The following PPP2R2C variants were observed in gnomAD, a reference collection of about 807,000 sequenced individuals.
PPP2R2C encodes the protein protein phosphatase 2 regulatory subunit Bgamma, also known as protein phosphatase 2, regulatory subunit B, gamma.
PPP2R2C carries 10 observed loss-of-function variants against 45.3 expected under a neutral mutation model. The ratio of observed to expected loss-of-function variants is 0.22; its 90% CI spans 0.14 to 0.37. The LOEUF is 0.37. Among genes scored for constraint, PPP2R2C ranks in the 10% least tolerant of loss-of-function variants. The probability of loss-of-function intolerance (pLI) is 1.00; values close to 1 mark genes in which losing one functional copy is unlikely to be tolerated. For synonymous variants in PPP2R2C, 257 were observed against 245.4 expected (o/e 1.05, Z -0.44); for missense variants, 308 against 619.7 (o/e 0.50, Z 5.34).
At chr4:6,377,275 C>T (rs1715393818) in intron 3 of PPP2R2C, among the ~76,000 whole-genome samples, 2 of 152,166 alleles carry the variant, frequency 1.3e-5, no homozygotes, top group South Asian at 2.1e-4. Flanking sequence ...CACCATTTCA[C>T]GGACCCCAGA....
At chr4:6,376,012 T>A (rs1715272098) in intron 3 of PPP2R2C, 81 bp from the exon 4 acceptor site, 1 of 1,191,996 alleles carries the variant, frequency 8.4e-7, no homozygotes, top group Non-Finnish European at 1.2e-6. Flanking sequence ...GAAGGTGAAA[T>A]CATGAGGCAC....
At position 6,326,480 on chromosome 4, in the gene PPP2R2C, G is replaced by A. The variant is rs958680940; in HGVS notation, c.1052+2782C>T. ...AGGAGAACTTCATGGAGGAGGGGGC[G>A]TTGAAGCCTGTTGTGGGAGGGCCTG... On this transcript the variant is annotated intron_variant, in intron 8 of 8. Transcript: ENST00000382599. Among the ~76,000 whole-genome samples, 5 of 152,166 alleles carry A rather than the reference G, an allele frequency of 3.3e-5. No homozygotes were observed. In the East Asian group the frequency reaches 7.7e-4, roughly 24 times the overall value.
intron 5 of PPP2R2C, among the ~76,000 whole-genome samples, chr4:6,366,986 C>T (rs911849031): frequency 6.6e-6 from 1 of 151,856 alleles, no homozygotes; most frequent in Non-Finnish European, 1.5e-5. Context: ...CAGGACAGGG[C>T]GGGATTCAGG....
At chr4:6,348,555 G>A (rs1712226109) in intron 5 of PPP2R2C, 1 of 806,668 alleles carries the variant, frequency 1.2e-6, no homozygotes, top group South Asian at 5.7e-5. Flanking sequence ...CCACAGTATG[G>A]AGATTCTCCT....
chr4:6,508,403 G>A (rs907145178), intron 2 of PPP2R2C, among the ~76,000 whole-genome samples: 10 of 152,082 alleles, frequency 6.6e-5, no homozygotes, highest in Admixed American at 2.0e-4. Context: ...TGGCCAACAT[G>A]GTGAAACCCT....
chr4:6,349,686 A>T (rs2109230283), intron 5 of PPP2R2C: 1 of 806,080 alleles, frequency 1.2e-6, no homozygotes, highest in East Asian at 1.3e-4. Flanking sequence ...TAAAATACAA[A>T]AAGAAATTAG....
At chr4:6,419,432 A>G (rs1718819083) in intron 1 of PPP2R2C, among the ~76,000 whole-genome samples, 1 of 141,452 alleles carries the variant, frequency 7.1e-6, no homozygotes, top group South Asian at 2.4e-4. Flanking sequence ...TGTCTAAAAA[A>G]AGAAAGAAAA....
chr4:6,531,347 C>T (rs1482609600), intron 2 of PPP2R2C, among the ~76,000 whole-genome samples: 1 of 152,154 alleles, frequency 6.6e-6, no homozygotes, highest in African/African-American at 2.4e-5. Context: ...AGAGCCAACC[C>T]GTGACAGCAA....
intron 1 of PPP2R2C, among the ~76,000 whole-genome samples, chr4:6,560,230 C>A (rs1300061366): frequency 6.6e-6 from 1 of 152,250 alleles, no homozygotes; most frequent in African/African-American, 2.4e-5. Context: ...GTGCACAGCC[C>A]CCCAGGCCCA....
At chr4:6,483,099 A>T (rs1167773074) in intron 2 of PPP2R2C, among the ~76,000 whole-genome samples, 1 of 147,640 alleles carries the variant, frequency 6.8e-6, no homozygotes, top group Admixed American at 6.8e-5. Flanking sequence ...TAATTAGATG[A>T]CTGATAGATA....
chr4:6,352,018 G>C (rs1712607438), intron 5 of PPP2R2C, among the ~76,000 whole-genome samples: 1 of 152,338 alleles, frequency 6.6e-6, no homozygotes, highest in South Asian at 2.1e-4. Flanking sequence ...CCTGACAAGG[G>C]AAGTAGCTGT....
chr4:6,364,963 G>A lies in PPP2R2C; in HGVS notation c.625+7560C>T, dbSNP rs1262246161. On this transcript the variant is annotated intron_variant, in intron 5 of 8. Coordinates refer to ENST00000382599, the MANE Select transcript of PPP2R2C (RefSeq NM_020416.4). The surrounding 1 kb of genome is among the most constrained non-coding windows in gnomAD (Gnocchi z 5.3). Reference sequence around the variant, plus strand: ...TAGAAAGTTCACCTGGATAGCATCAGGATCCCCATTCACTCAGAAAGTGCC... The same window carrying A: ...TAGAAAGTTCACCTGGATAGCATCAAGATCCCCATTCACTCAGAAAGTGCC... 6.6e-6 allele frequency among the ~76,000 whole-genome samples: 1 copy of A among 152,194 alleles called. No homozygotes were observed. Among genetic ancestry groups the A allele is most frequent in the Non-Finnish European group, 1.5e-5 (1 of 68,038 alleles).
intron 1 of PPP2R2C, among the ~76,000 whole-genome samples, chr4:6,460,403 C>T (rs763981691): frequency 1.3e-5 from 2 of 152,150 alleles, no homozygotes; most frequent in Non-Finnish European, 2.9e-5. Context: ...CCTGCCAACA[C>T]CTTGATCTTG....
At chr4:6,325,447 G>C (rs1201262081) in intron 8 of PPP2R2C, among the ~76,000 whole-genome samples, 3 of 152,202 alleles carry the variant, frequency 2.0e-5, no homozygotes, top group African/African-American at 7.2e-5. Flanking sequence ...CAGGCTGACT[G>C]GGGGAGGCCA....
Position 6,323,532 on chromosome 4 carries a change from C to G in PPP2R2C, c.1114G>C (p.Asp372His). The change falls in exon 9 of 9, where the codon GAC becomes CAC. Residue 372 changes from aspartate to histidine, a missense_variant. By Grantham distance (81) the Asp-to-His change is moderately conservative. Coordinates refer to ENST00000382599, the MANE Select transcript of PPP2R2C (RefSeq NM_020416.4). ...FRMFDRNTKR[D>H]VTLEASRESS... ...TCCCTCGAGGCCTCCAGGGTCACGT[C>G]CCGCTTGGTGTTCCGATCGAACATG... The G allele has an allele frequency of 6.3e-7, 1 of 1,596,726 alleles. No individual in the cohort carries two copies. The highest frequency in any genetic ancestry group is 8.6e-7 in the Non-Finnish European group (1 of 1,166,004).
At chr4:6,548,649 C>A (rs777792927) in intron 1 of PPP2R2C, among the ~76,000 whole-genome samples, 1 of 152,176 alleles carries the variant, frequency 6.6e-6, no homozygotes, top group Admixed American at 6.5e-5. Context: ...CTCAGCCAAC[C>A]GACAGCAAGC....
intron 6 of PPP2R2C, among the ~76,000 whole-genome samples, chr4:6,341,020 G>A (rs753146753): frequency 6.6e-5 from 10 of 152,216 alleles, no homozygotes; most frequent in Non-Finnish European, 1.5e-4. Context: ...GTGAGCCCTG[G>A]GAGTTGAGCC....
chr4:6,561,035 T>A (rs1458334241), intron 1 of PPP2R2C, among the ~76,000 whole-genome samples: 1 of 152,208 alleles, frequency 6.6e-6, no homozygotes, highest in Non-Finnish European at 1.5e-5. Context: ...CTGGGGTGGA[T>A]CATGGCGGTG....
In PPP2R2C at chr4:6,417,846, C is replaced by T. The variant is rs34156385; in HGVS notation, c.71-36752G>A. 8.1e-3 allele frequency among the ~76,000 whole-genome samples: 1,240 copies of T among 152,342 alleles called. 11 individuals carry two copies. Among genetic ancestry groups the T allele is most frequent in the Middle Eastern group, 0.044 (13 of 294 alleles). ...CACCCAGAGCAGCCATCAGGAAAGC[C>T]TCAGAGAAGTCGCCGAGCCTCAAAA... On this transcript the variant is annotated intron_variant, in intron 1 of 8. Transcript: ENST00000382599.
Sources: gnomAD v4.1 joint callset for allele counts (sites outside exome capture counted in the v4.1 genomes callset) on GRCh38, gnomAD v4.1.1 for gene constraint, Gnocchi (gnomAD v3.1) non-coding constraint, MANE v1.5 for transcripts, NCBI Gene and HGNC (gene_info 2026-07-23, HGNC 2026-07-21) for gene names.